Variants in SLC2A13 observed in about 807,000 individuals in gnomAD.
The protein encoded by SLC2A13 is solute carrier family 2 member 13.
SLC2A13 carries 32 observed loss-of-function variants against 64.4 expected under a neutral mutation model. That is an observed-to-expected ratio of 0.50 (90% CI 0.37 to 0.67). SLC2A13 has a LOEUF of 0.67. SLC2A13 is among the 30% of genes least tolerant of loss of function. The pLI is 0.00. For synonymous variants in SLC2A13, 338 were observed against 327.1 expected (o/e 1.03, Z -0.36); for missense variants, 743 against 829.2 (o/e 0.90, Z 1.28).
intron 4 of SLC2A13, among the ~76,000 whole-genome samples, chr12:39,911,038 C>T (rs1945418888): frequency 5.9e-5 from 9 of 152,014 alleles, no homozygotes; most frequent in Admixed American, 5.2e-4. Context: ...GAGCCAAGAT[C>T]GTGCCACTGC....
chr12:39,977,555 TA>T (rs1389461901), intron 3 of SLC2A13, among the ~76,000 whole-genome samples: 4 of 152,228 alleles, frequency 2.6e-5, no homozygotes, highest in Non-Finnish European at 5.9e-5. Flanking sequence ...TCAGAATTTA[TA>T]AATACGTTTC....
At chr12:39,835,182 T>A (rs772134455) in intron 6 of SLC2A13, among the ~76,000 whole-genome samples, 20 of 152,074 alleles carry the variant, frequency 1.3e-4, no homozygotes, top group Non-Finnish European at 2.8e-4. Context: ...TTTGTCCCCT[T>A]CCACAGTGTG....
chr12:39,800,088 A>G lies in SLC2A13; in HGVS notation c.1445+30015T>C, dbSNP rs1941731664. ...TATTGTGATAGCTGGACCCATCCCA[A>G]TCTTCTAGGTACAATAAAAAATCAG... On this transcript the variant is annotated intron_variant, in intron 7 of 9. Transcript: ENST00000280871. 2.6e-5 allele frequency among the ~76,000 whole-genome samples: 4 copies of G among 152,320 alleles called. No homozygotes were observed. The South Asian group carries it at 8.3e-4, about 32-fold the overall frequency.
intron 1 of SLC2A13, among the ~76,000 whole-genome samples, chr12:40,099,908 A>G (rs1592083309): frequency 6.6e-6 from 1 of 152,180 alleles, no homozygotes; most frequent in East Asian, 1.9e-4. Flanking sequence ...TGGAAAAAAA[A>G]AAAATTTGAG....
chr12:40,092,349 G>GT (rs1938796121), intron 1 of SLC2A13, among the ~76,000 whole-genome samples: 1 of 152,174 alleles, frequency 6.6e-6, no homozygotes, highest in South Asian at 2.1e-4. Flanking sequence ...ATTTGGACTG[G>GT]TGAGAGTGCC....
intron 4 of SLC2A13, among the ~76,000 whole-genome samples, chr12:39,893,352 C>T (rs142472938): frequency 0.068 from 10,336 of 152,182 alleles, 469 homozygotes; most frequent in Admixed American, 0.14. Context: ...CAGGCTGGAG[C>T]ACAGTGGTGC....
At position 39,770,080 on chromosome 12, in the gene SLC2A13, G is replaced by A. The variant is rs1004801538; in HGVS notation, c.1446-5222C>T. ...TCCATTTTAGCTCTCTGACCTATAT[G>A]TATTCATTGCTTTTTAAATTGCCTC... On this transcript the variant is annotated intron_variant, in intron 7 of 9. Coordinates refer to ENST00000280871, the MANE Select transcript of SLC2A13 (RefSeq NM_052885.4). 2.6e-5 allele frequency among the ~76,000 whole-genome samples: 4 copies of A among 151,970 alleles called. No individual in the cohort carries two copies. The East Asian group carries it at 7.7e-4, about 29-fold the overall frequency.
chr12:39,875,315 A>G (rs1944154590), intron 4 of SLC2A13, among the ~76,000 whole-genome samples: 1 of 152,184 alleles, frequency 6.6e-6, no homozygotes, highest in Admixed American at 6.5e-5. Context: ...CAGTCTTCAA[A>G]GCCAACAATG....
chr12:39,817,090 G>T (rs1318595670), intron 7 of SLC2A13, among the ~76,000 whole-genome samples: 1 of 152,046 alleles, frequency 6.6e-6, no homozygotes, highest in Non-Finnish European at 1.5e-5. Context: ...TTTCATAACA[G>T]CAAAAACACA....
At chr12:40,034,594 A>G (rs951944586) in intron 2 of SLC2A13, among the ~76,000 whole-genome samples, 1 of 152,212 alleles carries the variant, frequency 6.6e-6, no homozygotes, top group African/African-American at 2.4e-5. Context: ...CACTTTTGCT[A>G]TTGATTAACA....
chr12:39,891,862 A>C (rs919895779), intron 4 of SLC2A13, among the ~76,000 whole-genome samples: 6 of 152,288 alleles, frequency 3.9e-5, no homozygotes, highest in Non-Finnish European at 5.9e-5. Context: ...TGAAATAACA[A>C]TTTTTTAAAG....
chr12:40,015,152 A>C (rs1284364234), intron 3 of SLC2A13, among the ~76,000 whole-genome samples: 1 of 151,926 alleles, frequency 6.6e-6, no homozygotes, highest in Non-Finnish European at 1.5e-5. Context: ...AATAACCTTC[A>C]CTGGCCCATT....
chr12:40,097,762 T>C (rs1470285988), intron 1 of SLC2A13, among the ~76,000 whole-genome samples: 1 of 152,140 alleles, frequency 6.6e-6, no homozygotes, highest in Non-Finnish European at 1.5e-5. Context: ...ATTGGAACCC[T>C]GTATACTGCT....
chr12:39,868,742 A>T (rs1263911346), intron 5 of SLC2A13, among the ~76,000 whole-genome samples: 1 of 152,218 alleles, frequency 6.6e-6, no homozygotes, highest in South Asian at 2.1e-4. Context: ...AGAATTTGTC[A>T]TTAAATTTGT....
chr12:39,880,573 A>G (rs924870174), intron 4 of SLC2A13, among the ~76,000 whole-genome samples: 1 of 152,254 alleles, frequency 6.6e-6, no homozygotes, highest in Non-Finnish European at 1.5e-5. Context: ...AGAAACCTGC[A>G]GAAAGTTTAC....
At chr12:39,853,051 T>C (rs1943511404) in intron 6 of SLC2A13, among the ~76,000 whole-genome samples, 1 of 152,228 alleles carries the variant, frequency 6.6e-6, no homozygotes, top group Admixed American at 6.5e-5. Flanking sequence ...GCTTTTGTTG[T>C]TTCATTCCTT....
At chr12:39,856,750 GGTTATGTAAC>G (rs1943619700) in intron 6 of SLC2A13, among the ~76,000 whole-genome samples, 1 of 152,182 alleles carries the variant, frequency 6.6e-6, no homozygotes, top group African/African-American at 2.4e-5. Flanking sequence ...CACGTAGCAA[GGTTATGTAAC>G]GTGCTTTTAC....
chr12:39,838,506 T>TAA (rs5797639), intron 6 of SLC2A13, among the ~76,000 whole-genome samples: 2,366 of 142,282 alleles, frequency 0.017, 24 homozygotes, highest in Middle Eastern at 0.025. Context: ...AAAAATAAAT[T>TAA]AAAAAAAAAA....
At chr12:40,081,994 A>C (rs560071542) in intron 1 of SLC2A13, among the ~76,000 whole-genome samples, 22 of 152,154 alleles carry the variant, frequency 1.4e-4, no homozygotes, top group Non-Finnish European at 1.8e-4. Context: ...AACCCTGGGG[A>C]CCTGGGACCA....
Sources: gnomAD v4.1 joint callset for allele counts (sites outside exome capture counted in the v4.1 genomes callset) on GRCh38, gnomAD v4.1.1 for gene constraint, MANE v1.5 for transcripts, NCBI Gene and HGNC (gene_info 2026-07-23, HGNC 2026-07-21) for gene names.